The following OPCML variants were observed in gnomAD, a reference collection of about 807,000 sequenced individuals.
The protein encoded by OPCML is opioid binding protein/cell adhesion molecule like, also known as opioid-binding protein/cell adhesion molecule.
Under a neutral mutation model 37.8 loss-of-function variants are expected in OPCML, and 13 were observed. That is an observed-to-expected ratio of 0.34 (90% CI 0.22 to 0.55). OPCML has a LOEUF of 0.55. Ranked by LOEUF, OPCML falls within the 20% of genes least tolerant of loss-of-function variation. OPCML has a pLI of 0.91. For missense variants in OPCML, 341 were observed against 435.6 expected (o/e 0.78, Z 1.93); for synonymous variants, 176 against 168.8 (o/e 1.04, Z -0.33).
At chr11:132,804,600 G>A (rs1044217265) in intron 2 of OPCML, among the ~76,000 whole-genome samples, 1 of 152,142 alleles carries the variant, frequency 6.6e-6, no homozygotes, top group African/African-American at 2.4e-5. Flanking sequence ...CTTAGCACAC[G>A]AAGTCTAGTT....
At chr11:132,601,501 A>T (rs1245393278) in intron 3 of OPCML, among the ~76,000 whole-genome samples, 2 of 152,316 alleles carry the variant, frequency 1.3e-5, no homozygotes, top group East Asian at 3.9e-4. Context: ...GCTACCACGT[A>T]ACCCTCCATC....
At chr11:133,059,763 A>G (rs1433017676) in intron 1 of OPCML, among the ~76,000 whole-genome samples, 1 of 152,192 alleles carries the variant, frequency 6.6e-6, no homozygotes, top group Non-Finnish European at 1.5e-5. Context: ...CATGGAGCAC[A>G]ATATGTGCTT....
chr11:133,190,551 TACA>T (rs1938262088), intron 1 of OPCML, among the ~76,000 whole-genome samples: 1 of 152,338 alleles, frequency 6.6e-6, no homozygotes, highest in East Asian at 1.9e-4. Flanking sequence ...CACAGAGTTG[TACA>T]ACAATTACTA....
chr11:133,047,583 T>G (rs1948041228), intron 1 of OPCML, among the ~76,000 whole-genome samples: 1 of 151,836 alleles, frequency 6.6e-6, no homozygotes, highest in Non-Finnish European at 1.5e-5. Context: ...CCAGCTGAGG[T>G]CTCCCGCAGC....
At chr11:133,267,827 G>A (rs536424532) in intron 1 of OPCML, among the ~76,000 whole-genome samples, 13 of 152,214 alleles carry the variant, frequency 8.5e-5, no homozygotes, top group South Asian at 6.2e-4. Context: ...TCCTGCACAC[G>A]CTCTCTTGCC....
At chr11:133,432,388 G>A (rs1047262471) in intron 1 of OPCML, among the ~76,000 whole-genome samples, 39 of 152,002 alleles carry the variant, frequency 2.6e-4, no homozygotes, top group African/African-American at 9.4e-4. Flanking sequence ...TTTAGAAATG[G>A]GGACTTACTG....
intron 2 of OPCML, among the ~76,000 whole-genome samples, chr11:132,911,370 A>G (rs1371053585): frequency 6.6e-6 from 1 of 152,236 alleles, no homozygotes; most frequent in Non-Finnish European, 1.5e-5. Context: ...CAATCATTCT[A>G]TGGTGCAGAA....
chr11:132,872,745 A>T (rs1244509763), intron 2 of OPCML, among the ~76,000 whole-genome samples: 1 of 152,170 alleles, frequency 6.6e-6, no homozygotes, highest in African/African-American at 2.4e-5. Flanking sequence ...ATCTGTAAGA[A>T]TGTGAGCGGG....
chr11:133,449,208 C>T (rs1225197783), intron 1 of OPCML, among the ~76,000 whole-genome samples: 1 of 152,146 alleles, frequency 6.6e-6, no homozygotes, highest in Non-Finnish European at 1.5e-5. Flanking sequence ...GGAGCTGAAC[C>T]ACTATTACTC....
intron 2 of OPCML, among the ~76,000 whole-genome samples, chr11:132,825,096 C>T (rs1280284748): frequency 1.3e-5 from 2 of 152,174 alleles, no homozygotes; most frequent in Non-Finnish European, 2.9e-5. Context: ...AAATTATCTA[C>T]ATATTTGATT....
chr11:133,001,817 A>G (rs925798804), intron 1 of OPCML, among the ~76,000 whole-genome samples: 3 of 152,234 alleles, frequency 2.0e-5, no homozygotes, highest in Non-Finnish European at 4.4e-5. Context: ...CACCCATGAT[A>G]ATTGTGCAGC....
intron 4 of OPCML, among the ~76,000 whole-genome samples, chr11:132,499,590 C>T (rs1163120080): frequency 6.6e-6 from 1 of 152,190 alleles, no homozygotes; most frequent in South Asian, 2.1e-4. Context: ...TTTAAAAGCT[C>T]AAAGTCTGGA....
chr11:133,487,268 T>A (rs1947549932), intron 1 of OPCML, among the ~76,000 whole-genome samples: 1 of 152,198 alleles, frequency 6.6e-6, no homozygotes, highest in Non-Finnish European at 1.5e-5. Context: ...TGTCTGTCTC[T>A]GACCAGGGAG....
chr11:132,933,885 T>C (rs1456362326), intron 2 of OPCML, among the ~76,000 whole-genome samples: 1 of 152,092 alleles, frequency 6.6e-6, no homozygotes, highest in Non-Finnish European at 1.5e-5. Flanking sequence ...ACAGACAATA[T>C]CTCAGTGTAA....
intron 1 of OPCML, among the ~76,000 whole-genome samples, chr11:133,108,729 T>C (rs1034178193): frequency 6.6e-5 from 10 of 152,266 alleles, no homozygotes; most frequent in African/African-American, 1.4e-4. Flanking sequence ...TTAAGTCACA[T>C]TGAGACAAAT....
chr11:132,841,567 C>T (rs1457929516), intron 2 of OPCML, among the ~76,000 whole-genome samples: 1 of 152,156 alleles, frequency 6.6e-6, no homozygotes, highest in Non-Finnish European at 1.5e-5. Context: ...GGATAGGCAA[C>T]ACCCATGTTA....
intron 1 of OPCML, among the ~76,000 whole-genome samples, chr11:133,478,123 T>C (rs1410841110): frequency 2.0e-5 from 3 of 152,188 alleles, no homozygotes; most frequent in African/African-American, 7.2e-5. Context: ...AAATCTGCTT[T>C]GGCTAAGATG....
At chr11:132,753,230 C>G (rs915902301) in intron 2 of OPCML, among the ~76,000 whole-genome samples, 1 of 152,144 alleles carries the variant, frequency 6.6e-6, no homozygotes, top group South Asian at 2.1e-4. Flanking sequence ...GATACATTCT[C>G]CCAGCACTCT....
chr11:132,547,240 G>A (rs2096370748), intron 3 of OPCML, among the ~76,000 whole-genome samples: 1 of 152,136 alleles, frequency 6.6e-6, no homozygotes, highest in Admixed American at 6.6e-5. Flanking sequence ...AGTTTAACTG[G>A]GGGAGATGCC....
Sources: allele counts gnomAD v4.1 joint callset (sites outside exome capture counted in the v4.1 genomes callset), GRCh38; gene constraint gnomAD v4.1.1; transcripts MANE v1.5; gene names NCBI Gene and HGNC (gene_info 2026-07-23, HGNC 2026-07-21).